Variants in ZBTB20 observed in about 807,000 individuals in gnomAD.
ZBTB20 encodes zinc finger and BTB domain containing 20.
Under a neutral mutation model 56.9 loss-of-function variants are expected in ZBTB20, and 9 were observed. The observed-to-expected ratio is 0.16, with a 90% CI of 0.10 to 0.28. The LOEUF (loss-of-function observed/expected upper bound fraction) is 0.28. ZBTB20 is among the 10% of genes least tolerant of loss of function. The pLI, the probability that ZBTB20 is intolerant of heterozygous loss-of-function variation, is 1.00. For missense variants in ZBTB20, 655 were observed against 1,003.0 expected, an observed-to-expected ratio of 0.65 and a Z score of 4.69; for synonymous variants, 417 against 420.7, an observed-to-expected ratio of 0.99 and a Z score of 0.11.
At chr3:114,728,077 A>T (rs1253156098) in intron 5 of ZBTB20, among the ~76,000 whole-genome samples, 2 of 152,184 alleles carry the variant, frequency 1.3e-5, no homozygotes, top group East Asian at 3.8e-4. Context: ...AAATATCTTC[A>T]TTGTACAGAT....
chr3:114,569,130 A>G (rs561798430), intron 6 of ZBTB20, among the ~76,000 whole-genome samples: 1 of 152,352 alleles, frequency 6.6e-6, no homozygotes, highest in African/African-American at 2.4e-5. Context: ...ATAATTTAAT[A>G]AAGTTTATTT....
intron 6 of ZBTB20, among the ~76,000 whole-genome samples, chr3:114,689,951 G>A (rs1229283833): frequency 6.6e-6 from 1 of 152,014 alleles, no homozygotes; most frequent in Admixed American, 6.6e-5. Flanking sequence ...TTTTAATGAT[G>A]ATGACAGGCC....
chr3:114,326,317 T>A lies in ZBTB20; in HGVS notation c.*12688A>T, dbSNP rs560928882. On this transcript the variant is annotated 3_prime_UTR_variant, in exon 12 of 12. Transcript: ENST00000675478. ...ATGCATGGTCTTCATCTGCAATCAA[T>A]AAAAAAATCTATTCTTTGGCCCCAG... 1.3e-5 allele frequency: 2 copies of A among 152,278 alleles called. No homozygotes were observed. Among genetic ancestry groups the A allele is most frequent in the African/African-American group, 4.8e-5 (2 of 41,558 alleles). The allele number at this position is 152,278 out of a possible 1,614,324, so 9.4% of individuals were successfully genotyped here. A position where few individuals can be genotyped will look rare whatever the true frequency, so the allele number is the denominator to read the frequency against.
chr3:114,670,495 A>G (rs2061306848), intron 6 of ZBTB20, among the ~76,000 whole-genome samples: 1 of 152,056 alleles, frequency 6.6e-6, no homozygotes, highest in Non-Finnish European at 1.5e-5. Flanking sequence ...AAGTTCTAGG[A>G]TCAGGGAGAT....
At chr3:114,478,710 T>A (rs2041162878) in intron 7 of ZBTB20, among the ~76,000 whole-genome samples, 1 of 152,100 alleles carries the variant, frequency 6.6e-6, no homozygotes, top group African/African-American at 2.4e-5. Context: ...TGTGTGAGAG[T>A]AAGACATAGA....
At chr3:114,870,283 G>C (rs565567458) in intron 4 of ZBTB20, among the ~76,000 whole-genome samples, 1 of 151,862 alleles carries the variant, frequency 6.6e-6, no homozygotes, top group Admixed American at 6.6e-5. Flanking sequence ...GCACAAATTT[G>C]TCATAGTTAA....
chr3:114,516,038 A>C (rs1269051580), intron 6 of ZBTB20, among the ~76,000 whole-genome samples: 1 of 149,380 alleles, frequency 6.7e-6, no homozygotes, highest in Non-Finnish European at 1.5e-5. Context: ...GTCACCAAAC[A>C]CTTCTGAATT....
intron 3 of ZBTB20, among the ~76,000 whole-genome samples, chr3:114,928,267 C>T (rs374003192): frequency 0.01 from 1,589 of 152,308 alleles, 30 homozygotes; most frequent in South Asian, 0.068. Context: ...CAGGCTTAGC[C>T]GTTTCTAAGT....
chr3:114,582,010 A>C (rs1256291304), intron 6 of ZBTB20: 1 of 152,234 alleles, frequency 6.6e-6, no homozygotes, highest in Non-Finnish European at 1.5e-5. Context: ...AATAAATTTT[A>C]GTAATACATA....
chr3:114,751,788 C>T (rs901392522), intron 5 of ZBTB20, among the ~76,000 whole-genome samples: 4 of 151,956 alleles, frequency 2.6e-5, no homozygotes, highest in African/African-American at 9.7e-5. Flanking sequence ...AAATTTAGTC[C>T]ACATAATGTC....
intron 1 of ZBTB20, among the ~76,000 whole-genome samples, chr3:115,088,392 AC>A (rs545407604): frequency 6.6e-6 from 1 of 151,572 alleles, no homozygotes; most frequent in Non-Finnish European, 1.5e-5. Flanking sequence ...CAAGACCATA[AC>A]CCTGGTTAGA....
chr3:114,797,801 T>C (rs1288143129), intron 5 of ZBTB20, among the ~76,000 whole-genome samples: 1 of 151,894 alleles, frequency 6.6e-6, no homozygotes, highest in Non-Finnish European at 1.5e-5. Context: ...AGAACTATTG[T>C]CTCTTTGTCT....
chr3:114,403,596 T>C (rs937038790), intron 7 of ZBTB20, among the ~76,000 whole-genome samples: 4 of 151,958 alleles, frequency 2.6e-5, no homozygotes, highest in African/African-American at 4.8e-5. Flanking sequence ...TAAGGAGGCA[T>C]ACATGTTGAT....
rs76310772 is a variant in ZBTB20 at position 114,918,123 on chromosome 3, T to C, written c.-455-17781A>G. On this transcript the variant is annotated intron_variant, in intron 3 of 11. Coordinates refer to ENST00000675478, the MANE Select transcript of ZBTB20 (RefSeq NM_001348800.3). Reference sequence around the variant, plus strand: ...AGTCTTTTCCACAAGCACAGAAGTCTCTTCTCTTGGACACCACTGCCACAG... The same window carrying C: ...AGTCTTTTCCACAAGCACAGAAGTCCCTTCTCTTGGACACCACTGCCACAG... 8.0e-3 allele frequency among the ~76,000 whole-genome samples: 1,205 copies of C among 150,868 alleles called. 6 individuals are homozygous for C. Among genetic ancestry groups the C allele is most frequent in the Non-Finnish European group, 0.012 (785 of 67,652 alleles).
At chr3:114,729,309 T>C (rs1369655563) in intron 5 of ZBTB20, among the ~76,000 whole-genome samples, 4 of 152,196 alleles carry the variant, frequency 2.6e-5, no homozygotes, top group African/African-American at 4.8e-5. Flanking sequence ...AAATAGAGAA[T>C]AACAGCAATG....
At chr3:114,399,523 T>A (rs2108686569) in intron 7 of ZBTB20, among the ~76,000 whole-genome samples, 1 of 152,310 alleles carries the variant, frequency 6.6e-6, no homozygotes, top group African/African-American at 2.4e-5. Flanking sequence ...AAGTATTTTT[T>A]AAATTGGAAT....
intron 6 of ZBTB20, among the ~76,000 whole-genome samples, chr3:114,544,420 TC>T (rs2049510463): frequency 4.3e-5 from 2 of 46,048 alleles, no homozygotes; most frequent in African/African-American, 2.9e-4. Context: ...TTTCTTTCTT[TC>T]TTTCTTTCTT....
At chr3:114,887,212 A>C (rs2076633286) in intron 4 of ZBTB20, among the ~76,000 whole-genome samples, 1 of 152,198 alleles carries the variant, frequency 6.6e-6, no homozygotes, top group African/African-American at 2.4e-5. Flanking sequence ...CCAGCTCTCA[A>C]TACTGCCACA....
chr3:114,580,867 C>T (rs1036595223), intron 6 of ZBTB20, among the ~76,000 whole-genome samples: 4 of 151,816 alleles, frequency 2.6e-5, no homozygotes, highest in African/African-American at 9.7e-5. Context: ...AATGTCAATT[C>T]TCCCCAGATT....
Sources: allele counts gnomAD v4.1 joint callset (sites outside exome capture counted in the v4.1 genomes callset), GRCh38; gene constraint gnomAD v4.1.1; transcripts MANE v1.5; gene names NCBI Gene and HGNC (gene_info 2026-07-23, HGNC 2026-07-21).